Variants in KLHL5 observed in about 807,000 individuals in gnomAD.
KLHL5 encodes the protein kelch like family member 5, also known as kelch-like protein 5.
Under a neutral mutation model 77.7 loss-of-function variants are expected in KLHL5, and 48 were observed. That is an observed-to-expected ratio of 0.62 (90% confidence interval 0.49 to 0.79). The LOEUF (loss-of-function observed/expected upper bound fraction) is 0.79. Ranked by LOEUF, KLHL5 falls within the 30% of genes least tolerant of loss-of-function variation. The pLI is 0.00. For missense variants in KLHL5, 723 were observed against 859.7 expected (o/e 0.84, Z 1.99); for synonymous variants, 260 against 297.0 (o/e 0.88, Z 1.28).
intron 5 of KLHL5, among the ~76,000 whole-genome samples, 177 bp downstream of exon 5, chr4:39,086,904 C>CTTTTTTTTTT (rs71643263): frequency 2.4e-4 from 19 of 78,352 alleles, no homozygotes; most frequent in Admixed American, 3.8e-4. Context: ...AAGTAACATT[C>CTTTTTTTTTT]TTTTTTTTTT....
In KLHL5 at chr4:39,125,799, A is replaced by G. The variant is rs560919208; in HGVS notation, c.*4733A>G. Among the ~76,000 whole-genome samples the G allele has an allele frequency of 2.0e-5, 3 of 152,312 alleles. No individual in the cohort carries two copies. In the East Asian group the frequency reaches 5.8e-4, roughly 29 times the overall value. ...ATTGCACAACATGGTGAAGGTACTC[A>G]ATGTCACTAATGGTAAATTTCACAT... On this transcript the variant is annotated 3_prime_UTR_variant, in exon 11 of 11. Coordinates refer to ENST00000504108, the MANE Select transcript of KLHL5 (RefSeq NM_015990.5).
chr4:39,106,462 A>G (rs1722045174), intron 7 of KLHL5, among the ~76,000 whole-genome samples: 1 of 152,198 alleles, frequency 6.6e-6, no homozygotes, highest in African/African-American at 2.4e-5. Flanking sequence ...CTTACCCGTT[A>G]TATTCTATTG....
intron 4 of KLHL5, among the ~76,000 whole-genome samples, chr4:39,085,647 G>A (rs909039304): frequency 1.3e-5 from 2 of 152,056 alleles, no homozygotes; most frequent in African/African-American, 4.8e-5. Context: ...GCCTATCAAG[G>A]TCATCTCACA....
At position 39,103,297 on chromosome 4, in the gene KLHL5, C is replaced by T. The variant is rs1467190726; in HGVS notation, c.1311C>T (p.Ser437=). 1 of 1,611,838 alleles carries T rather than the reference C, an allele frequency of 6.2e-7. No homozygotes were observed. ...TATATTACTATGAAGGAGCAACAAGCATTGAAAAGTATGATCTCCGTACAA... is the reference window on the plus strand; with the variant it reads ...TATATTACTATGAAGGAGCAACAAGTATTGAAAAGTATGATCTCCGTACAA... ...GGMDSTKGAT[S]IEKYDLRTNM... is the part of the protein sequence containing the mutation. Residue 437 remains serine, a synonymous_variant, in exon 7 of 11, where the codon AGC becomes AGT. Coordinates refer to ENST00000504108, the MANE Select transcript of KLHL5 (RefSeq NM_015990.5).
intron 7 of KLHL5, among the ~76,000 whole-genome samples, chr4:39,106,452 C>T (rs1722044284): frequency 6.6e-6 from 1 of 152,154 alleles, no homozygotes; most frequent in African/African-American, 2.4e-5. Context: ...GGGCACAGCC[C>T]TTACCCGTTA....
At chr4:39,115,986 C>G (rs1722805049) in intron 10 of KLHL5, 1 of 985,522 alleles carries the variant, frequency 1.0e-6, no homozygotes, top group Admixed American at 6.1e-5. Flanking sequence ...AAATGTTTAA[C>G]TGAGCCAAGA....
intron 1 of KLHL5, 49 bp from the exon 2 acceptor site, chr4:39,075,916 T>C (rs1164116031): frequency 6.7e-7 from 1 of 1,495,980 alleles, no homozygotes; most frequent in East Asian, 2.3e-5. Context: ...GAAAGATCTT[T>C]TTAATGTGAT....
At chr4:39,103,755 G>A (rs1055825602) in intron 7 of KLHL5, among the ~76,000 whole-genome samples, 1 of 152,014 alleles carries the variant, frequency 6.6e-6, no homozygotes, top group South Asian at 2.1e-4. Flanking sequence ...GAGCCTAGGA[G>A]TTCAAGACCA....
Position 39,103,402 on chromosome 4 carries a change from G to T in KLHL5, c.1416G>T (p.Val472=), listed in dbSNP as rs543659570. 1 of 1,614,166 alleles carries T rather than the reference G, an allele frequency of 6.2e-7. No individual in the cohort carries two copies. The highest frequency in any genetic ancestry group is 1.1e-5 in the South Asian group (1 of 91,076). ...CAGTGCTAGATGACAAACTGTATGTGGTTGGAGGAAGAGATGGACTGAAGA... is the reference window on the plus strand; with the variant it reads ...CAGTGCTAGATGACAAACTGTATGTTGTTGGAGGAAGAGATGGACTGAAGA... ...GVAVLDDKLY[V]VGGRDGLKTL... The change falls in exon 7 of 11, where the codon GTG becomes GTT. Residue 472 remains valine, a synonymous_variant. Transcript: ENST00000504108.
chr4:39,045,844 A>G (rs1484676908), intron 1 of KLHL5, among the ~76,000 whole-genome samples: 1 of 151,288 alleles, frequency 6.6e-6, no homozygotes, highest in African/African-American at 2.4e-5. Flanking sequence ...CCCTCCCAAT[A>G]TTCTGTTTCT....
intron 7 of KLHL5, among the ~76,000 whole-genome samples, chr4:39,105,412 G>C (rs1003029894): frequency 6.6e-6 from 1 of 151,934 alleles, no homozygotes; most frequent in African/African-American, 2.4e-5. Context: ...CTCTCAAAGT[G>C]CTAGGATTAT....
chr4:39,083,093 C>T (rs1248015812), intron 4 of KLHL5, among the ~76,000 whole-genome samples: 1 of 152,124 alleles, frequency 6.6e-6, no homozygotes, highest in Non-Finnish European at 1.5e-5. Context: ...GTTATTTTGC[C>T]TACCCTCTCC....
chr4:39,069,561 TATATATAA>T (rs1180508268), intron 1 of KLHL5, among the ~76,000 whole-genome samples: 3 of 77,434 alleles, frequency 3.9e-5, no homozygotes, highest in African/African-American at 1.4e-4. Context: ...TATATATATA[TATATATAA>T]ACCATAGAGC....
chr4:39,128,111 A>G (rs1468304912), downstream of KLHL5, among the ~76,000 whole-genome samples: 1 of 152,096 alleles, frequency 6.6e-6, no homozygotes, highest in Non-Finnish European at 1.5e-5. Context: ...AAAACAAAGG[A>G]GGGGAGAGAA....
Position 39,086,545 on chromosome 4 carries a change from G to A in KLHL5, c.931G>A (p.Glu311Lys), listed in dbSNP as rs1393442095. 1.9e-6 allele frequency: 3 copies of A among 1,613,754 alleles called. No homozygotes were observed. Among genetic ancestry groups the A allele is most frequent in the Non-Finnish European group, 1.7e-6 (2 of 1,179,870 alleles). ...TTTCATGGAAGTAATCAGAAACCAG[G>A]AATTTGTATTATTACCAGCCAGCGA... is the stretch of plus-strand genomic sequence containing the variant. Reference protein sequence around the residue: ...EHFMEVIRNQEFVLLPASEIA... With the variant: ...EHFMEVIRNQKFVLLPASEIA... Residue 311 changes from glutamate (E) to lysine (K), a missense_variant, in exon 5 of 11, where the codon GAA becomes AAA. Physicochemically the swap from Glu to Lys is moderately conservative, Grantham distance 56 (BLOSUM62 1). Around this residue, in one of 3 missense-constraint regions of KLHL5, gnomAD observed 288 missense variants for 400.3 expected, o/e 0.72. Coordinates refer to ENST00000504108, the MANE Select transcript of KLHL5 (RefSeq NM_015990.5).
chr4:39,107,045 T>TTTTTCTTTTTTTTTTTTTTTGAG (rs1722087847), intron 7 of KLHL5, among the ~76,000 whole-genome samples: 1 of 99,236 alleles, frequency 1.0e-5, no homozygotes, highest in African/African-American at 3.3e-5. Flanking sequence ...AGAACTTTTT[T>TTTTTCTTTTTTTTTTTTTTTGAG]TTTTCTTTTT....
chr4:39,113,962 G>T (rs972520096), intron 9 of KLHL5, among the ~76,000 whole-genome samples: 15 of 152,140 alleles, frequency 9.9e-5, no homozygotes, highest in African/African-American at 3.6e-4. Context: ...GTGCCCATGT[G>T]TGACAGAGAG....
At chr4:39,142,423 A>G in the KLHL5 span, among the ~76,000 whole-genome samples, 3 of 151,946 alleles carry the variant, frequency 2.0e-5, no homozygotes, top group Non-Finnish European at 4.4e-5. Context: ...TTATTTAGAG[A>G]AATGTGGGAG....
chr4:39,067,755 A>T (rs1054082481), intron 1 of KLHL5, among the ~76,000 whole-genome samples: 2 of 150,700 alleles, frequency 1.3e-5, no homozygotes, highest in African/African-American at 4.9e-5. Context: ...ATCTTGGGTC[A>T]CTGCAGTCTT....
Sources: allele counts gnomAD v4.1 joint callset (sites outside exome capture counted in the v4.1 genomes callset), GRCh38; gene constraint gnomAD v4.1.1; regional missense constraint gnomAD v4.1.1; transcripts MANE v1.5; gene names NCBI Gene and HGNC (gene_info 2026-07-23, HGNC 2026-07-21).